CADPS: variants seen among roughly 807,000 people sequenced by gnomAD.
CADPS encodes the protein calcium dependent secretion activator.
CADPS carries 57 observed loss-of-function variants against 167.3 expected under a neutral mutation model. That is an observed-to-expected ratio of 0.34 (90% confidence interval 0.28 to 0.42). CADPS has a LOEUF of 0.42. CADPS is among the 20% of genes least tolerant of loss of function. The probability of loss-of-function intolerance (pLI) is 1.00; values close to 1 mark genes in which losing one functional copy is unlikely to be tolerated. For missense variants in CADPS, 1,414 were observed against 1,738.1 expected (o/e 0.81, Z 3.32); for synonymous variants, 676 against 635.3 (o/e 1.06, Z -0.96).
At chr3:62,683,834 G>C (rs997214499) in intron 3 of CADPS, among the ~76,000 whole-genome samples, 1 of 152,046 alleles carries the variant, frequency 6.6e-6, no homozygotes, top group Non-Finnish European at 1.5e-5. Context: ...GGTTTGTCTA[G>C]AGTTTTTCTC....
At chr3:62,787,310 A>G (rs1257706404) in intron 1 of CADPS, among the ~76,000 whole-genome samples, 1 of 152,272 alleles carries the variant, frequency 6.6e-6, no homozygotes, top group African/African-American at 2.4e-5. Context: ...CACATGCAAA[A>G]AACCAAAAGC....
At chr3:62,848,221 T>C (rs1244244120) in intron 1 of CADPS, among the ~76,000 whole-genome samples, 1 of 139,574 alleles carries the variant, frequency 7.2e-6, no homozygotes, top group Admixed American at 7.0e-5. Context: ...TTCTCCCATG[T>C]TGTAGGTTGC....
At chr3:62,577,834 T>C (rs1467037359) in intron 8 of CADPS, among the ~76,000 whole-genome samples, 1 of 152,176 alleles carries the variant, frequency 6.6e-6, no homozygotes, top group Non-Finnish European at 1.5e-5. Flanking sequence ...TTCTAGGCGA[T>C]TTGATCTAAT....
intron 3 of CADPS, among the ~76,000 whole-genome samples, chr3:62,720,304 CA>C (rs764883758): frequency 5.3e-4 from 81 of 151,408 alleles, no homozygotes; most frequent in Non-Finnish European, 8.1e-4. Context: ...GGAATGGTAT[CA>C]GGGGGGCATT....
chr3:62,436,627 T>A (rs2055118080), intron 28 of CADPS, among the ~76,000 whole-genome samples: 1 of 152,198 alleles, frequency 6.6e-6, no homozygotes, highest in Admixed American at 6.5e-5. Context: ...GCTTTATGCA[T>A]GTATGAGGCA....
At chr3:62,823,920 C>G (rs1330512624) in intron 1 of CADPS, among the ~76,000 whole-genome samples, 1 of 152,110 alleles carries the variant, frequency 6.6e-6, no homozygotes, top group Admixed American at 6.6e-5. Flanking sequence ...TGCATGACAG[C>G]CTAAGTTAAC....
intron 6 of CADPS, among the ~76,000 whole-genome samples, chr3:62,595,222 G>C (rs999975889): frequency 6.6e-6 from 1 of 152,102 alleles, no homozygotes; most frequent in African/African-American, 2.4e-5. Context: ...AACAGTCATA[G>C]TAGAGACAGA....
chr3:62,491,270 A>G, intron 21 of CADPS, 69 bp downstream of exon 21: 1 of 1,472,030 alleles, frequency 6.8e-7, no homozygotes. Flanking sequence ...GACATCATTA[A>G]TCCATTTCTG....
chr3:62,474,555 C>T (rs1436046465), intron 23 of CADPS, among the ~76,000 whole-genome samples: 3 of 152,090 alleles, frequency 2.0e-5, no homozygotes, highest in Non-Finnish European at 4.4e-5. Context: ...TGTAGCTTGG[C>T]GTATTTCTCT....
At chr3:62,830,804 A>T (rs1159885650) in intron 1 of CADPS, among the ~76,000 whole-genome samples, 1 of 152,136 alleles carries the variant, frequency 6.6e-6, no homozygotes, top group Non-Finnish European at 1.5e-5. Context: ...TTACCTTCTC[A>T]TCAAATTCTG....
At chr3:62,499,989 T>C (rs544319114) in intron 17 of CADPS, 2 of 152,336 alleles carry the variant, frequency 1.3e-5, no homozygotes, top group Admixed American at 1.3e-4. Context: ...GTTGTATTTT[T>C]ACCCAGCTCA....
intron 3 of CADPS, among the ~76,000 whole-genome samples, chr3:62,674,794 T>A (rs2076095661): frequency 6.6e-6 from 1 of 152,204 alleles, no homozygotes; most frequent in Non-Finnish European, 1.5e-5. Flanking sequence ...ACAGTTCTTA[T>A]TTGTTGGACT....
chr3:62,560,252 T>A (rs186746326), intron 9 of CADPS, among the ~76,000 whole-genome samples: 113 of 152,338 alleles, frequency 7.4e-4, no homozygotes, highest in African/African-American at 2.5e-3. Flanking sequence ...ACTGATTGAA[T>A]GGTGGGAGAA....
chr3:62,424,234 AG>A (rs1202833670), intron 28 of CADPS, among the ~76,000 whole-genome samples: 4 of 152,034 alleles, frequency 2.6e-5, no homozygotes, highest in African/African-American at 9.7e-5. Flanking sequence ...CCCAGGTTGG[AG>A]TGCAGTGGCA....
rs973135592 is a variant in CADPS at position 62,728,358 on chromosome 3, G to A, written c.888+25083C>T. On this transcript the variant is annotated intron_variant, in intron 3 of 29. Transcript: ENST00000383710. ...TGTTCCTTACTACCTTTAACAATCTGTTTACAACCTAATTAGGAAAATTTT... is the reference window on the plus strand; with the variant it reads ...TGTTCCTTACTACCTTTAACAATCTATTTACAACCTAATTAGGAAAATTTT... Among the ~76,000 whole-genome samples the A allele has an allele frequency of 1.2e-4, 18 of 151,732 alleles. 1 individual carries two copies. Among genetic ancestry groups the A allele is most frequent in the African/African-American group, 4.4e-4 (18 of 41,076 alleles).
chr3:62,565,223 C>A (rs997985665), intron 9 of CADPS, among the ~76,000 whole-genome samples: 1 of 152,190 alleles, frequency 6.6e-6, no homozygotes, highest in Non-Finnish European at 1.5e-5. Flanking sequence ...TCCCCTTGAT[C>A]TCTGGGTTAG....
chr3:62,458,405 T>A lies in CADPS; in HGVS notation c.3636+6962A>T, dbSNP rs1309028473. Among the ~76,000 whole-genome samples the A allele has an allele frequency of 6.6e-6, 1 of 152,192 alleles. No homozygotes were observed. The highest frequency in any genetic ancestry group is 1.5e-5 in the Non-Finnish European group (1 of 68,030). On this transcript the variant is annotated intron_variant, in intron 26 of 29. Coordinates refer to ENST00000383710, the MANE Select transcript of CADPS (RefSeq NM_003716.4). The surrounding 1 kb of genome is among the most constrained non-coding windows in gnomAD (Gnocchi z 4.6). ...CGATAAACTTCCCACTGCATGTGAT[T>A]TGGAGGTCAGGATAGAATCTATAAT...
At chr3:62,429,224 A>T (rs2053432232) in intron 28 of CADPS, among the ~76,000 whole-genome samples, 1 of 152,194 alleles carries the variant, frequency 6.6e-6, no homozygotes, top group Non-Finnish European at 1.5e-5. Context: ...GATCTTGCCC[A>T]CTATGTGCCA....
intron 2 of CADPS, among the ~76,000 whole-genome samples, chr3:62,760,851 T>C (rs1001022003): frequency 6.6e-6 from 1 of 152,224 alleles, no homozygotes; most frequent in Non-Finnish European, 1.5e-5. Context: ...CCTGCAGTTT[T>C]AGCCTGCCAA....
Sources: allele counts gnomAD v4.1 joint callset (sites outside exome capture counted in the v4.1 genomes callset), GRCh38; gene constraint gnomAD v4.1.1; non-coding constraint Gnocchi (gnomAD v3.1); transcripts MANE v1.5; gene names NCBI Gene and HGNC (gene_info 2026-07-23, HGNC 2026-07-21).